Variants in TRIM14 observed in about 807,000 individuals in gnomAD.
The protein encoded by TRIM14 is tripartite motif containing 14.
TRIM14 carries 28 observed loss-of-function variants against 44.5 expected under a neutral mutation model. That is an observed-to-expected ratio of 0.63 (90% confidence interval 0.47 to 0.86). The LOEUF (loss-of-function observed/expected upper bound fraction) is 0.86. Ranked by LOEUF, TRIM14 falls within the 40% of genes least tolerant of loss-of-function variation. TRIM14 has a pLI of 0.00. For missense variants in TRIM14, 607 were observed against 611.1 expected, an observed-to-expected ratio of 0.99 and a Z score of 0.07; for synonymous variants, 299 against 269.2, an observed-to-expected ratio of 1.11 and a Z score of -1.08.
intron 5 of TRIM14, among the ~76,000 whole-genome samples, chr9:98,088,356 C>CT (rs936223047): frequency 7.3e-6 from 1 of 137,442 alleles, no homozygotes; most frequent in Admixed American, 7.4e-5. Context: ...TTTTCTTTTT[C>CT]TTTTTTTTCT....
intron 2 of TRIM14, among the ~76,000 whole-genome samples, chr9:98,101,452 T>G (rs1190976414): frequency 2.6e-5 from 4 of 151,468 alleles, no homozygotes; most frequent in African/African-American, 7.3e-5. Context: ...TCAGACGAAG[T>G]TTTGCTCTTG....
intron 5 of TRIM14, 94 bp from the exon 6 acceptor site, chr9:98,088,099 A>G: frequency 7.7e-7 from 1 of 1,297,012 alleles, no homozygotes; most frequent in Non-Finnish European, 1.0e-6. Flanking sequence ...AAATCACAAA[A>G]TGCGAAGCGC....
At chr9:98,100,345 G>A (rs1186335015) in intron 2 of TRIM14, among the ~76,000 whole-genome samples, 181 bp from the exon 3 acceptor site, 1 of 152,086 alleles carries the variant, frequency 6.6e-6, no homozygotes, top group Non-Finnish European at 1.5e-5. Flanking sequence ...ATCGTAAAAT[G>A]CACGGAGAAA....
the TRIM14 span, chr9:98,056,973 G>A: frequency 1.3e-6 from 2 of 1,542,772 alleles, no homozygotes; most frequent in Admixed American, 3.8e-5. Flanking sequence ...CCGGGATTCG[G>A]GCGCCGGGAG....
Position 98,109,969 on chromosome 9 carries a change from A to G in TRIM14, c.223T>C (p.Cys75Arg). The G allele has an allele frequency of 6.2e-7, 1 of 1,613,862 alleles. No homozygotes were observed. Among genetic ancestry groups the G allele is most frequent in the Non-Finnish European group, 8.5e-7 (1 of 1,179,932 alleles). The change falls in exon 2 of 6, where the codon TGT (cysteine) becomes CGT (arginine). Residue 75 changes from cysteine to arginine, a missense_variant. Cys to Arg is a radical substitution (Grantham distance 180). Coordinates refer to ENST00000341469, the MANE Select transcript of TRIM14 (RefSeq NM_014788.4). ...AVHVQKLSQE[C>R]LKQLAIKKQQ... ...TTCTTGATTGCCAGCTGCTTTAAAC[A>G]TTCTTGGCTGAGTTTCTGTACAGGA...
the TRIM14 span, among the ~76,000 whole-genome samples, chr9:98,037,857 C>T: frequency 6.6e-6 from 1 of 152,044 alleles, no homozygotes; most frequent in African/African-American, 2.4e-5. Context: ...CTTGCCTTCT[C>T]CTGTTAACAA....
At chr9:98,080,845 C>T, downstream of TRIM14, 1 of 1,603,892 alleles carries the variant, frequency 6.2e-7, no homozygotes, top group South Asian at 1.1e-5. Flanking sequence ...CTGACATTCC[C>T]ATAGGGTATT....
At chr9:98,101,427 A>T (rs1020525395) in intron 2 of TRIM14, among the ~76,000 whole-genome samples, 205 of 143,768 alleles carry the variant, frequency 1.4e-3, no homozygotes, top group African/African-American at 5.0e-3. Flanking sequence ...ATAGCTATCA[A>T]TTTTTTTTTT....
chr9:98,075,452 A>C (rs1829546309), intron 6 of TRIM14: 1 of 123,186 alleles, frequency 8.1e-6, no homozygotes, highest in South Asian at 2.9e-4. Context: ...AAGGAAAGGG[A>C]GGAAAGGGAG....
chr9:98,073,590 CT>C (rs34969073), intron 6 of TRIM14, among the ~76,000 whole-genome samples: 4,296 of 141,376 alleles, frequency 0.03, 73 homozygotes, highest in Non-Finnish European at 0.046. Flanking sequence ...GCCTGGGCTT[CT>C]TTTTTTTTTT....
downstream of TRIM14, chr9:98,081,195 C>G (rs114706293): frequency 8.8e-4 from 1,256 of 1,419,614 alleles, 6 homozygotes; most frequent in African/African-American, 0.015. Context: ...ATGAAATGAT[C>G]AGTGAATGTG....
intron 3 of TRIM14, among the ~76,000 whole-genome samples, chr9:98,098,176 G>A (rs1471618137): frequency 6.6e-6 from 1 of 152,158 alleles, no homozygotes; most frequent in African/African-American, 2.4e-5. Flanking sequence ...TCTTGTGAAG[G>A]TCCTCTAATA....
At chr9:98,047,988 C>A in the TRIM14 span, among the ~76,000 whole-genome samples, 2 of 151,380 alleles carry the variant, frequency 1.3e-5, no homozygotes, top group Admixed American at 6.6e-5. Flanking sequence ...TCGCTTGAAC[C>A]CAGAAGGTGG....
downstream of TRIM14, among the ~76,000 whole-genome samples, chr9:98,066,236 A>C (rs1587909324): frequency 6.6e-6 from 1 of 152,340 alleles, no homozygotes; most frequent in East Asian, 1.9e-4. Context: ...GGCGGTTTCC[A>C]AAGTGTGGTT....
intron 5 of TRIM14, among the ~76,000 whole-genome samples, chr9:98,090,600 T>C (rs1485913925): frequency 6.6e-6 from 1 of 150,948 alleles, no homozygotes; most frequent in Non-Finnish European, 1.5e-5. Flanking sequence ...AGTCTTGCTC[T>C]GTTGCCAGGC....
chr9:98,104,408 G>A (rs1274578800), intron 2 of TRIM14, among the ~76,000 whole-genome samples: 2 of 152,156 alleles, frequency 1.3e-5, no homozygotes, highest in Non-Finnish European at 2.9e-5. Context: ...GAAGCTTCAC[G>A]ACGCTATACC....
intron 5 of TRIM14, among the ~76,000 whole-genome samples, chr9:98,091,131 G>A (rs757564082): frequency 1.3e-5 from 2 of 152,128 alleles, no homozygotes; most frequent in Non-Finnish European, 2.9e-5. Context: ...GGTATGGTGT[G>A]TTCATTCTCT....
chr9:98,042,828 C>T, the TRIM14 span, among the ~76,000 whole-genome samples: 1 of 151,482 alleles, frequency 6.6e-6, no homozygotes, highest in Non-Finnish European at 1.5e-5. Flanking sequence ...CGAGATCACG[C>T]CACTGCACTC....
Position 98,119,177 on chromosome 9 carries a change from C to G in TRIM14, c.12G>C (p.Ala4=). The change falls in exon 1 of 6, where the codon GCG becomes GCC. Residue 4 remains alanine, a synonymous_variant. Transcript: ENST00000341469. MAG[A]ATGSRTPGRS... ...TCCCAGGGGTCCGGCTCCCGGTCGC[C>G]GCGCCCGCCATTCATCTCCACCTCC... The G allele has an allele frequency of 6.4e-7, 1 of 1,574,018 alleles. No homozygotes were observed. Among genetic ancestry groups the G allele is most frequent in the Non-Finnish European group, 8.5e-7 (1 of 1,170,472 alleles).
Sources: gnomAD v4.1 joint callset for allele counts (sites outside exome capture counted in the v4.1 genomes callset) on GRCh38, gnomAD v4.1.1 for gene constraint, MANE v1.5 for transcripts, NCBI Gene and HGNC (gene_info 2026-07-23, HGNC 2026-07-21) for gene names.